Variants in NAF1 observed in about 807,000 individuals in gnomAD.
NAF1 encodes the protein H/ACA ribonucleoprotein complex non-core subunit NAF1.
Under a neutral mutation model 40.6 loss-of-function variants are expected in NAF1, and 11 were observed. That is an observed-to-expected ratio of 0.27 (90% confidence interval 0.17 to 0.45). The LOEUF (loss-of-function observed/expected upper bound fraction) is 0.45, where lower values mean the gene tolerates loss of function less well. NAF1 is among the 20% of genes least tolerant of loss of function. NAF1 has a pLI of 1.00. For missense variants in NAF1, 607 were observed against 611.1 expected (o/e 0.99, Z 0.07); for synonymous variants, 260 against 228.5 (o/e 1.14, Z -1.24).
At chr4:163,119,488 C>T (rs144826433) in intron 2 of NAF1, 125 of 152,250 alleles carry the variant, frequency 8.2e-4, no homozygotes, top group African/African-American at 2.7e-3. Context: ...TTCTGGAATA[C>T]CAGGAACCAG....
rs1256653165 is a variant in NAF1 at position 163,117,717 on chromosome 4, A to ACACACACACG, written c.115-7428_115-7427insCGTGTGTGTG. Among the ~76,000 whole-genome samples, 14 of 150,908 alleles carry ACACACACACG rather than the reference A, an allele frequency of 9.3e-5. No individual in the cohort carries two copies. The East Asian group carries it at 2.5e-3, about 27-fold the overall frequency. ...CACACACACACACACACACACACAC[A>ACACACACACG]CGCATGAATACATCATCCATTATTC... is the stretch of plus-strand genomic sequence containing the variant. On this transcript the variant is annotated intron_variant, in intron 2 of 2. Transcript: ENST00000509434.
At chr4:163,112,945 T>C (rs1730207865) in intron 2 of NAF1, among the ~76,000 whole-genome samples, 1 of 152,138 alleles carries the variant, frequency 6.6e-6, no homozygotes, top group African/African-American at 2.4e-5. Context: ...TAGTTATGAA[T>C]CTCAAGTGAT....
Position 163,166,365 on chromosome 4 carries a change from G to GTCCGAGTCCGAA in NAF1, c.351_362dup (p.Asp119_Ser122dup), listed in dbSNP as rs1245258455. The GTCCGAGTCCGAA allele has an allele frequency of 6.3e-7, 1 of 1,599,116 alleles. No homozygotes were observed. Among genetic ancestry groups the GTCCGAGTCCGAA allele is most frequent in the Admixed American group, 1.7e-5 (1 of 58,658 alleles). On this transcript the variant is annotated inframe_insertion, in exon 1 of 8. Coordinates refer to ENST00000274054, the MANE Select transcript of NAF1 (RefSeq NM_138386.3). ...TCCGGGTCCCTTAGGCACCCGACCT[G>GTCCGAGTCCGAA]TCCGAGTCCGAATCCGAGTCCGAGG... is the stretch of plus-strand genomic sequence containing the variant.
chr4:163,104,541 C>T, the NAF1 span, among the ~76,000 whole-genome samples: 1 of 152,094 alleles, frequency 6.6e-6, no homozygotes, highest in African/African-American at 2.4e-5. Flanking sequence ...ACTGATATAA[C>T]CAACCTTGGA....
chr4:163,130,249 G>GA (rs1222688819), intron 7 of NAF1, among the ~76,000 whole-genome samples: 6 of 151,690 alleles, frequency 4.0e-5, no homozygotes, highest in Non-Finnish European at 7.4e-5. Context: ...CAAATTCAAT[G>GA]AAAAAAATAA....
the NAF1 span, among the ~76,000 whole-genome samples, chr4:163,104,728 TGAGTAACAGCA>T: frequency 3.3e-5 from 5 of 152,368 alleles, no homozygotes; most frequent in Middle Eastern, 0.01. Context: ...CTTTACTTTC[TGAGTAACAGCA>T]GAGCAAGAGG....
At chr4:163,157,244 A>T (rs1303285959) in intron 2 of NAF1, 1 of 152,134 alleles carries the variant, frequency 6.6e-6, no homozygotes, top group Non-Finnish European at 1.5e-5. Flanking sequence ...TGATACATTC[A>T]TCCTTCACTT....
In NAF1 at chr4:163,166,384, T is replaced by A. The variant is rs778799121; in HGVS notation, c.344A>T (p.Asp115Val). 1.9e-6 allele frequency: 3 copies of A among 1,605,270 alleles called. No individual in the cohort carries two copies. The South Asian group carries it at 3.3e-5, about 18-fold the overall frequency. The change falls in exon 1 of 8, where the codon GAC becomes GTC. Residue 115 changes from aspartate to valine, a missense_variant. Physicochemically the swap from Asp to Val is radical, Grantham distance 152 (BLOSUM62 -3). Around this residue, in one of 3 missense-constraint regions of NAF1, gnomAD observed 407 missense variants for 365.5 expected, o/e 1.11. Coordinates refer to ENST00000274054, the MANE Select transcript of NAF1 (RefSeq NM_138386.3). Reference sequence around the variant, plus strand: ...CGACCTGTCCGAGTCCGAATCCGAGTCCGAGGTCTCCAAGGAGTCCGGCGC... The same window carrying A: ...CGACCTGTCCGAGTCCGAATCCGAGACCGAGGTCTCCAAGGAGTCCGGCGC... The part of the protein sequence containing the change: ...ARAPDSLETS[D>V]SDSDSDSETD...
intron 2 of NAF1, among the ~76,000 whole-genome samples, chr4:163,151,365 GT>G (rs1291526068): frequency 1.5e-3 from 218 of 141,134 alleles, no homozygotes; most frequent in African/African-American, 3.7e-3. Context: ...TATTTCTCTA[GT>G]TTTTTTTTTT....
chr4:163,107,719 A>G (rs1730071555), downstream of NAF1, among the ~76,000 whole-genome samples: 1 of 152,162 alleles, frequency 6.6e-6, no homozygotes, highest in South Asian at 2.1e-4. Flanking sequence ...GGAAAGCACA[A>G]TGTACAATAG....
At chr4:163,164,709 T>C (rs940252227) in intron 1 of NAF1, among the ~76,000 whole-genome samples, 1 of 152,182 alleles carries the variant, frequency 6.6e-6, no homozygotes, top group Non-Finnish European at 1.5e-5. Context: ...TGTCTGAATA[T>C]AAGCAAGCAT....
intron 2 of NAF1, among the ~76,000 whole-genome samples, chr4:163,162,223 T>C (rs530252937): frequency 7.9e-4 from 120 of 152,312 alleles, no homozygotes; most frequent in African/African-American, 2.7e-3. Context: ...ACTACATACC[T>C]GTAACTATAC....
At chr4:163,165,601 T>A (rs1442756033) in intron 1 of NAF1, among the ~76,000 whole-genome samples, 2 of 152,196 alleles carry the variant, frequency 1.3e-5, no homozygotes, top group African/African-American at 4.8e-5. Flanking sequence ...CGCTGATGAC[T>A]TCCCTGAAAA....
At chr4:163,157,637 A>G (rs1732043606) in intron 2 of NAF1, among the ~76,000 whole-genome samples, 1 of 152,078 alleles carries the variant, frequency 6.6e-6, no homozygotes. Flanking sequence ...GATGGCATTA[A>G]AGAAATGCAA....
chr4:163,110,637 A>T (rs1373074037), intron 2 of NAF1, among the ~76,000 whole-genome samples: 2 of 152,204 alleles, frequency 1.3e-5, no homozygotes, highest in African/African-American at 4.8e-5. Context: ...AGGTCAAGCA[A>T]AAGTGATGTT....
intron 3 of NAF1, among the ~76,000 whole-genome samples, chr4:163,146,984 T>G (rs1003558697): frequency 6.6e-6 from 1 of 152,168 alleles, no homozygotes; most frequent in African/African-American, 2.4e-5. Flanking sequence ...GACCTAAAAT[T>G]TTTCTGTATA....
At chr4:163,119,732 C>T (rs1730461138) in intron 2 of NAF1, 1 of 152,132 alleles carries the variant, frequency 6.6e-6, no homozygotes, top group South Asian at 2.1e-4. Flanking sequence ...TAATATACTC[C>T]ACAGTCCGTA....
intron 2 of NAF1, chr4:163,158,417 C>T (rs973256620): frequency 3.3e-5 from 5 of 152,028 alleles, no homozygotes; most frequent in Non-Finnish European, 7.4e-5. Flanking sequence ...AATTCATTAA[C>T]TTCTTCAGGG....
Position 163,148,249 on chromosome 4 carries a change from T to A in NAF1, c.634+92A>T, listed in dbSNP as rs540417526. The A allele has an allele frequency of 2.7e-5, 19 of 694,458 alleles. No homozygotes were observed. In the African/African-American group the frequency reaches 3.3e-4, roughly 12 times the overall value. The allele number at this position is 694,458 out of a possible 1,614,324, so 43.0% of individuals were successfully genotyped here. The stretch of plus-strand genomic sequence containing the variant: ...TATAAAATAAAGTGTTAATTACGTA[T>A]GTCAAAGAAAATTTACTAGTCATAA... On this transcript the variant is annotated intron_variant, in intron 3 of 7. Transcript: ENST00000274054.
Sources: allele counts gnomAD v4.1 joint callset (sites outside exome capture counted in the v4.1 genomes callset), GRCh38; gene constraint gnomAD v4.1.1; regional missense constraint gnomAD v4.1.1; transcripts MANE v1.5; gene names NCBI Gene and HGNC (gene_info 2026-07-23, HGNC 2026-07-21).